PCDH9: variants seen among roughly 807,000 people sequenced by gnomAD.
PCDH9 encodes protocadherin-9.
Under a neutral mutation model 70.6 loss-of-function variants are expected in PCDH9, and 24 were observed. The observed-to-expected ratio is 0.34, with a 90% CI of 0.25 to 0.48. The LOEUF is 0.48. Among genes scored for constraint, PCDH9 ranks in the 20% least tolerant of loss-of-function variants. The pLI is 0.99. For missense variants in PCDH9, 1,281 were observed against 1,503.6 expected, an observed-to-expected ratio of 0.85 and a Z score of 2.45; for synonymous variants, 562 against 558.5, an observed-to-expected ratio of 1.01 and a Z score of -0.09.
intron 4 of PCDH9, among the ~76,000 whole-genome samples, chr13:66,540,195 T>C (rs960238371): frequency 2.0e-5 from 3 of 152,044 alleles, no homozygotes; most frequent in African/African-American, 7.2e-5. Context: ...TATTAATGAC[T>C]GATTCCTAAA....
chr13:67,169,905 T>C (rs188570332), intron 2 of PCDH9, among the ~76,000 whole-genome samples: 46 of 152,324 alleles, frequency 3.0e-4, no homozygotes, highest in African/African-American at 1.0e-3. Flanking sequence ...CTATTTCAAA[T>C]TATAATTCTG....
chr13:66,479,643 T>TAAATGCACCAATCAGCAATCTGTAA, intron 4 of PCDH9, among the ~76,000 whole-genome samples: 1 of 151,180 alleles, frequency 6.6e-6, no homozygotes, highest in East Asian at 1.9e-4. Context: ...TAAAGGATTG[T>TAAATGCACCAATCAGCAATCTGTAA]AAATGCACCA....
rs114688065 is a variant in PCDH9, at chr13:66,530,293, T to C, written c.3340+100917A>G. ...ATTCCCAGTGGCCAACTTTTCAGAC[T>C]TCATTATTTTTCGACAGTGTGTGGC... On this transcript the variant is annotated intron_variant, in intron 4 of 4. Coordinates refer to ENST00000377865, the MANE Select transcript of PCDH9 (RefSeq NM_203487.3). Among the ~76,000 whole-genome samples the C allele has an allele frequency of 3.8e-3, 580 of 152,194 alleles. 3 individuals are homozygous for C. Among genetic ancestry groups the C allele is most frequent in the African/African-American group, 0.013 (547 of 41,564 alleles).
Position 66,838,139 on chromosome 13 carries a change from C to A in PCDH9, c.3138+65365G>T, listed in dbSNP as rs142201859. Among the ~76,000 whole-genome samples the A allele has an allele frequency of 1.1e-3, 169 of 152,222 alleles. 1 individual carries two copies. The highest frequency in any genetic ancestry group is 1.6e-3 in the Non-Finnish European group (110 of 68,012). On this transcript the variant is annotated intron_variant, in intron 3 of 4. Transcript: ENST00000377865. ...TATTCATGTTACAGAACATATATTT[C>A]ATTCTATAATATTTTTTTCTCCCCT... is the stretch of plus-strand genomic sequence containing the variant.
intron 3 of PCDH9, among the ~76,000 whole-genome samples, chr13:66,735,993 C>T (rs1287933256): frequency 6.6e-6 from 1 of 151,792 alleles, no homozygotes; most frequent in Non-Finnish European, 1.5e-5. Flanking sequence ...TTAAAGAAGA[C>T]ATGATATATG....
chr13:66,907,498 C>T (rs1251213897), intron 2 of PCDH9, among the ~76,000 whole-genome samples: 1 of 152,162 alleles, frequency 6.6e-6, no homozygotes, highest in Non-Finnish European at 1.5e-5. Flanking sequence ...GTGGATAAAT[C>T]ATGCCACTCC....
At chr13:66,455,360 G>T (rs1289193000) in intron 4 of PCDH9, among the ~76,000 whole-genome samples, 1 of 151,514 alleles carries the variant, frequency 6.6e-6, no homozygotes, top group African/African-American at 2.4e-5. Context: ...AATTTTTAAA[G>T]AATTATAACA....
At chr13:66,587,794 A>C (rs372882579) in intron 4 of PCDH9, among the ~76,000 whole-genome samples, 2 of 348 alleles carry the variant, frequency 5.7e-3, no homozygotes, top group African/African-American at 6.3e-3. Flanking sequence ...CAGGATTATT[A>C]AAAAAAAAAA....
intron 2 of PCDH9, among the ~76,000 whole-genome samples, chr13:67,157,093 C>T (rs2087833220): frequency 1.3e-5 from 2 of 151,798 alleles, no homozygotes; most frequent in African/African-American, 2.4e-5. Flanking sequence ...TTCGGTAATC[C>T]CCTGTATCCC....
intron 4 of PCDH9, among the ~76,000 whole-genome samples, chr13:66,574,012 T>C (rs1260306394): frequency 3.9e-5 from 6 of 152,154 alleles, no homozygotes. Flanking sequence ...CTAGATACTC[T>C]TATCATTTTG....
chr13:67,177,862 A>C (rs114990773), intron 2 of PCDH9, among the ~76,000 whole-genome samples: 1 of 152,056 alleles, frequency 6.6e-6, no homozygotes, highest in Non-Finnish European at 1.5e-5. Flanking sequence ...ATAATTGCTC[A>C]ATAAACATTT....
At chr13:67,173,942 T>C (rs1450026287) in intron 2 of PCDH9, among the ~76,000 whole-genome samples, 1 of 152,166 alleles carries the variant, frequency 6.6e-6, no homozygotes, top group Non-Finnish European at 1.5e-5. Context: ...CAGGTTTTGC[T>C]TCTCAAATGA....
intron 3 of PCDH9, among the ~76,000 whole-genome samples, chr13:66,657,876 C>G (rs987596518): frequency 4.6e-5 from 7 of 152,146 alleles, no homozygotes; most frequent in Admixed American, 1.3e-4. Context: ...TCCAATCGGC[C>G]CTCTGTGTTC....
chr13:66,349,153 A>G (rs938571669), intron 4 of PCDH9, among the ~76,000 whole-genome samples: 1 of 152,142 alleles, frequency 6.6e-6, no homozygotes, highest in African/African-American at 2.4e-5. Flanking sequence ...TGAAGAAAAC[A>G]CTTCATTACC....
At chr13:66,410,623 A>C (rs963308320) in intron 4 of PCDH9, among the ~76,000 whole-genome samples, 3 of 152,238 alleles carry the variant, frequency 2.0e-5, no homozygotes, top group Non-Finnish European at 4.4e-5. Flanking sequence ...TGAGCAGGTT[A>C]GCTCCTGCAG....
intron 4 of PCDH9, among the ~76,000 whole-genome samples, chr13:66,527,268 C>CA (rs59891757): frequency 4.0e-4 from 55 of 137,288 alleles, no homozygotes; most frequent in Middle Eastern, 3.7e-3. Flanking sequence ...GTTGTCAAAA[C>CA]AAAAAAAAAA....
chr13:66,623,828 T>C (rs983759684), intron 4 of PCDH9, among the ~76,000 whole-genome samples: 35 of 152,208 alleles, frequency 2.3e-4, no homozygotes, highest in Admixed American at 6.5e-5. Context: ...TGGGGGATCA[T>C]ATACAATGAA....
At chr13:67,059,328 A>G (rs866203139) in intron 2 of PCDH9, among the ~76,000 whole-genome samples, 1 of 143,846 alleles carries the variant, frequency 7.0e-6, no homozygotes, top group Non-Finnish European at 1.5e-5. Context: ...TAAAAAAAAA[A>G]ACAAATTTCA....
chr13:66,586,765 C>A (rs749717367), intron 4 of PCDH9, among the ~76,000 whole-genome samples: 2 of 152,062 alleles, frequency 1.3e-5, no homozygotes, highest in Non-Finnish European at 2.9e-5. Context: ...TATTATTACA[C>A]AATATGCTCA....
Sources: allele counts gnomAD v4.1 joint callset (sites outside exome capture counted in the v4.1 genomes callset), GRCh38; gene constraint gnomAD v4.1.1; transcripts MANE v1.5; gene names NCBI Gene and HGNC (gene_info 2026-07-23, HGNC 2026-07-21).